DIP2B: variants seen among roughly 807,000 people sequenced by gnomAD.
DIP2B encodes the protein disco-interacting protein 2 homolog B.
A neutral mutation model predicts 198.0 loss-of-function variants in DIP2B; 76 were observed. The observed-to-expected ratio is 0.38, with a 90% CI of 0.32 to 0.46. The LOEUF (loss-of-function observed/expected upper bound fraction) is 0.46, where lower values mean the gene tolerates loss of function less well. Among genes scored for constraint, DIP2B ranks in the 20% least tolerant of loss-of-function variants. The pLI is 0.99. For missense variants in DIP2B, 1,559 were observed against 1,978.4 expected (o/e 0.79, Z 4.02); for synonymous variants, 701 against 739.1 (o/e 0.95, Z 0.84).
chr12:50,718,686 T>C, intron 23 of DIP2B, 23 bp from the exon 24 acceptor site: 1 of 1,599,816 alleles, frequency 6.3e-7, no homozygotes, highest in Non-Finnish European at 8.6e-7. Context: ...CTCCAGTGAG[T>C]TGGGTTTTGC....
At chr12:50,682,241 C>T (rs1939052503) in intron 9 of DIP2B, among the ~76,000 whole-genome samples, 1 of 152,142 alleles carries the variant, frequency 6.6e-6, no homozygotes, top group Non-Finnish European at 1.5e-5. Flanking sequence ...CGGTTTCCAC[C>T]AGTATTGTTT....
Position 50,509,840 on chromosome 12 carries a change from C to A in DIP2B, c.100+4600C>A, listed in dbSNP as rs1052387923. On this transcript the variant is annotated intron_variant, in intron 1 of 37. Transcript: ENST00000301180. Reference sequence around the variant, plus strand: ...CTTAGTCATAGATTCGTAGGATACACCTTTATCAAAGTTCTGTCTAAGCAG... The same window carrying A: ...CTTAGTCATAGATTCGTAGGATACAACTTTATCAAAGTTCTGTCTAAGCAG... Among the ~76,000 whole-genome samples, 18 of 152,298 alleles carry A rather than the reference C, an allele frequency of 1.2e-4. No individual in the cohort carries two copies. In the Middle Eastern group the frequency reaches 0.01, roughly 86 times the overall value.
chr12:50,684,145 A>G (rs1939092780), intron 10 of DIP2B, among the ~76,000 whole-genome samples: 1 of 152,164 alleles, frequency 6.6e-6, no homozygotes, highest in Non-Finnish European at 1.5e-5. Context: ...TCATGGGGGC[A>G]TACTTGACTT....
At chr12:50,719,955 G>A (rs1939804688) in intron 25 of DIP2B, among the ~76,000 whole-genome samples, 1 of 148,868 alleles carries the variant, frequency 6.7e-6, no homozygotes, top group African/African-American at 2.5e-5. Context: ...TTTTGAGATG[G>A]AGTCTTGCTC....
intron 37 of DIP2B, among the ~76,000 whole-genome samples, chr12:50,742,838 A>G (rs984462560): frequency 5.9e-5 from 9 of 151,776 alleles, no homozygotes; most frequent in East Asian, 2.0e-4. Context: ...GGAGGTTGCA[A>G]TGGGCCAAGA....
chr12:50,542,858 GTTTCTTTTCTT>G (rs1479305719), intron 1 of DIP2B, among the ~76,000 whole-genome samples: 6 of 152,004 alleles, frequency 3.9e-5, no homozygotes, highest in African/African-American at 1.4e-4. Flanking sequence ...CTGTTCAGAG[GTTTCTTTTCTT>G]TTTCTTTTTT....
chr12:50,582,600 C>T (rs879806384), intron 1 of DIP2B, among the ~76,000 whole-genome samples: 33 of 152,084 alleles, frequency 2.2e-4, no homozygotes, highest in Non-Finnish European at 3.8e-4. Context: ...CCCTTTTTAA[C>T]GGAGATTTTC....
At chr12:50,536,646 C>T (rs1958270253) in intron 1 of DIP2B, among the ~76,000 whole-genome samples, 1 of 151,506 alleles carries the variant, frequency 6.6e-6, no homozygotes, top group South Asian at 2.1e-4. Flanking sequence ...TGGCTCACTG[C>T]AACCTCCCTC....
rs572693137 is a variant in DIP2B, at chr12:50,599,181, A to G, written c.101-26795A>G. Among the ~76,000 whole-genome samples, 209 of 149,884 alleles carry G rather than the reference A, an allele frequency of 1.4e-3. 1 individual carries two copies. The highest frequency in any genetic ancestry group is 5.0e-3 in the African/African-American group (204 of 40,748). On this transcript the variant is annotated intron_variant, in intron 1 of 37. Coordinates refer to ENST00000301180, the MANE Select transcript of DIP2B (RefSeq NM_173602.3). ...GTGGCCTGCACCTGTAGTCCCAGCT[A>G]CTCAGGAGGCTGAGGTGGGAGGATT...
chr12:50,661,954 T>A (rs1371871450), intron 4 of DIP2B, among the ~76,000 whole-genome samples: 1 of 152,168 alleles, frequency 6.6e-6, no homozygotes, highest in African/African-American at 2.4e-5. Flanking sequence ...TTTTATCCGC[T>A]TTTACAAAAG....
chr12:50,654,076 G>A (rs999698729), intron 3 of DIP2B, among the ~76,000 whole-genome samples: 12 of 151,938 alleles, frequency 7.9e-5, no homozygotes, highest in Admixed American at 4.6e-4. Flanking sequence ...GTTTTACCTT[G>A]TTGGCCAGGC....
At chr12:50,623,843 G>T (rs1349997490) in intron 1 of DIP2B, among the ~76,000 whole-genome samples, 1 of 152,108 alleles carries the variant, frequency 6.6e-6, no homozygotes, top group Non-Finnish European at 1.5e-5. Flanking sequence ...GTTGTTAGCA[G>T]CATCCCTGAC....
intron 1 of DIP2B, among the ~76,000 whole-genome samples, chr12:50,539,524 G>A (rs1420219115): frequency 6.6e-6 from 1 of 150,806 alleles, no homozygotes; most frequent in Non-Finnish European, 1.5e-5. Context: ...AGACAGGCAG[G>A]AGAATCGCTT....
chr12:50,528,887 G>A (rs1296019612), intron 1 of DIP2B, among the ~76,000 whole-genome samples: 1 of 152,126 alleles, frequency 6.6e-6, no homozygotes, highest in Non-Finnish European at 1.5e-5. Flanking sequence ...GCATTAAGGT[G>A]GATTTGTTAG....
intron 35 of DIP2B, among the ~76,000 whole-genome samples, chr12:50,738,319 C>G (rs1305227436): frequency 1.3e-5 from 2 of 151,780 alleles, no homozygotes; most frequent in Non-Finnish European, 2.9e-5. Flanking sequence ...CAGAGCAAGA[C>G]TCTCAAAAAT....
chr12:50,658,454 A>T (rs1262364981), intron 3 of DIP2B, among the ~76,000 whole-genome samples: 1 of 152,174 alleles, frequency 6.6e-6, no homozygotes, highest in Non-Finnish European at 1.5e-5. Context: ...CTGGATTTTG[A>T]ATAATGTCCT....
intron 4 of DIP2B, among the ~76,000 whole-genome samples, chr12:50,667,620 G>A (rs1344086806): frequency 1.3e-5 from 2 of 152,110 alleles, no homozygotes; most frequent in African/African-American, 4.8e-5. Context: ...GTGACCATAG[G>A]TTGAGTTATT....
At chr12:50,727,355 AAAAG>A (rs755532969) in intron 28 of DIP2B, among the ~76,000 whole-genome samples, 3 of 152,236 alleles carry the variant, frequency 2.0e-5, no homozygotes, top group Non-Finnish European at 4.4e-5. Context: ...ATTTTAGAGA[AAAAG>A]AAAACAGACA....
intron 1 of DIP2B, among the ~76,000 whole-genome samples, chr12:50,624,559 C>A (rs1468038893): frequency 6.6e-6 from 1 of 152,142 alleles, no homozygotes. Context: ...GTCTTGAACT[C>A]CCAACCTTGT....
Sources: gnomAD v4.1 joint callset for allele counts (sites outside exome capture counted in the v4.1 genomes callset) on GRCh38, gnomAD v4.1.1 for gene constraint, MANE v1.5 for transcripts, NCBI Gene and HGNC (gene_info 2026-07-23, HGNC 2026-07-21) for gene names.